The following PTPRD variants were observed in gnomAD, a reference collection of about 807,000 sequenced individuals.
The protein encoded by PTPRD is receptor-type tyrosine-protein phosphatase delta.
In PTPRD, 34 loss-of-function variants were observed where a neutral mutation model predicts 214.5. The ratio of observed to expected loss-of-function variants is 0.16; its 90% confidence interval spans 0.12 to 0.21. The LOEUF is 0.21. Among genes scored for constraint, PTPRD ranks in the 10% least tolerant of loss-of-function variants. The pLI, the probability that PTPRD is intolerant of heterozygous loss-of-function variation, is 1.00. For missense variants in PTPRD, 2,545 were observed against 2,398.7 expected (o/e 1.06, Z -1.27); for synonymous variants, 1,128 against 845.7 (o/e 1.33, Z -5.79).
chr9:8,628,080 T>C (rs148762909), intron 14 of PTPRD, among the ~76,000 whole-genome samples: 1 of 152,004 alleles, frequency 6.6e-6, no homozygotes, highest in African/African-American at 2.4e-5. Flanking sequence ...CAGTCTTTCA[T>C]AAAAATCCTT....
intron 11 of PTPRD, among the ~76,000 whole-genome samples, chr9:8,980,182 A>T (rs1229868424): frequency 6.6e-6 from 1 of 152,074 alleles, no homozygotes; most frequent in East Asian, 1.9e-4. Context: ...TAAAAAAAGA[A>T]GTCAAATACA....
rs139923700 is a variant in PTPRD at position 10,176,291 on chromosome 9, T to C, written c.-544-142501A>G. On this transcript the variant is annotated intron_variant, in intron 3 of 45. Transcript: ENST00000381196. ...GGTTTTTAATGTGTTTTTTTTTCCCTATTCCAAATTTGGTAGACGTCTAAA... is the reference window on the plus strand; with the variant it reads ...GGTTTTTAATGTGTTTTTTTTTCCCCATTCCAAATTTGGTAGACGTCTAAA... Among the ~76,000 whole-genome samples the C allele has an allele frequency of 2.8e-3, 421 of 151,964 alleles. 3 individuals are homozygous for C. Among genetic ancestry groups the C allele is most frequent in the African/African-American group, 9.5e-3 (396 of 41,512 alleles).
chr9:8,999,204 A>G (rs1398110533), intron 11 of PTPRD, among the ~76,000 whole-genome samples: 1 of 152,074 alleles, frequency 6.6e-6, no homozygotes, highest in Admixed American at 6.6e-5. Flanking sequence ...GTATAATGCT[A>G]TCAAACACCA....
At chr9:8,818,856 C>A (rs2096979005) in intron 11 of PTPRD, among the ~76,000 whole-genome samples, 1 of 152,148 alleles carries the variant, frequency 6.6e-6, no homozygotes, top group Non-Finnish European at 1.5e-5. Flanking sequence ...CCATTCTGAA[C>A]ACATAGCTGT....
intron 5 of PTPRD, among the ~76,000 whole-genome samples, chr9:9,792,778 G>A (rs922447954): frequency 1.3e-5 from 2 of 152,068 alleles, no homozygotes; most frequent in Non-Finnish European, 1.5e-5. Flanking sequence ...TTTATTAAGA[G>A]CAATCCAAAA....
At chr9:8,556,537 G>A (rs1593634950) in intron 14 of PTPRD, among the ~76,000 whole-genome samples, 1 of 144,078 alleles carries the variant, frequency 6.9e-6, no homozygotes. Context: ...ACATCTGCAT[G>A]TACACATACT....
chr9:8,354,485 T>C (rs1296216969), intron 39 of PTPRD, among the ~76,000 whole-genome samples: 2 of 152,216 alleles, frequency 1.3e-5, no homozygotes, highest in African/African-American at 4.8e-5. Flanking sequence ...TGAATTTTCT[T>C]CTAATCTGCT....
intron 5 of PTPRD, among the ~76,000 whole-genome samples, chr9:9,874,071 A>T (rs1019035630): frequency 1.3e-5 from 2 of 152,164 alleles, no homozygotes; most frequent in South Asian, 2.1e-4. Flanking sequence ...TAGGACAAAA[A>T]CATTTTAAAG....
intron 11 of PTPRD, among the ~76,000 whole-genome samples, chr9:8,980,819 T>C (rs2099308883): frequency 1.3e-5 from 2 of 152,078 alleles, no homozygotes; most frequent in South Asian, 4.1e-4. Flanking sequence ...ACTTACGGTG[T>C]ACATTTATGA....
chr9:10,312,035 C>T (rs891634222), intron 3 of PTPRD, among the ~76,000 whole-genome samples: 1 of 151,870 alleles, frequency 6.6e-6, no homozygotes, highest in Non-Finnish European at 1.5e-5. Flanking sequence ...GGTCTCATCT[C>T]ACCTCATTGT....
intron 32 of PTPRD, 50 bp from the exon 33 acceptor site, chr9:8,460,621 T>G (rs2096371043): frequency 6.4e-7 from 1 of 1,568,078 alleles, no homozygotes; most frequent in Non-Finnish European, 8.6e-7. Context: ...ACTTTCTAGA[T>G]AAGTACCTTT....
chr9:10,307,601 T>C (rs1301919736), intron 3 of PTPRD, among the ~76,000 whole-genome samples: 2 of 152,110 alleles, frequency 1.3e-5, no homozygotes, highest in African/African-American at 4.8e-5. Flanking sequence ...GTAGTTCTAT[T>C]TTTAGTTATT....
At chr9:9,524,144 G>A (rs2073424659) in intron 8 of PTPRD, among the ~76,000 whole-genome samples, 2 of 152,182 alleles carry the variant, frequency 1.3e-5, no homozygotes, top group African/African-American at 4.8e-5. Flanking sequence ...CCAGCAAAGG[G>A]AAAGTACCCC....
intron 2 of PTPRD, among the ~76,000 whole-genome samples, chr9:10,492,182 T>C (rs768695406): frequency 9.2e-5 from 14 of 152,304 alleles, no homozygotes; most frequent in Admixed American, 4.6e-4. Context: ...TATGTGTGTA[T>C]GTGTCTTTAT....
chr9:8,809,530 C>T (rs1050717774), intron 11 of PTPRD, among the ~76,000 whole-genome samples: 1 of 152,164 alleles, frequency 6.6e-6, no homozygotes, highest in East Asian at 1.9e-4. Context: ...GTAAAACTCT[C>T]AGCTCAACCA....
intron 11 of PTPRD, among the ~76,000 whole-genome samples, chr9:8,740,086 G>T (rs886898559): frequency 3.3e-5 from 5 of 151,994 alleles, no homozygotes; most frequent in Non-Finnish European, 5.9e-5. Flanking sequence ...CCAAATAAAA[G>T]ATTTCATTTT....
chr9:8,972,407 C>T (rs1433746168), intron 11 of PTPRD, among the ~76,000 whole-genome samples: 1 of 151,686 alleles, frequency 6.6e-6, no homozygotes, highest in Non-Finnish European at 1.5e-5. Context: ...TTAACATTTC[C>T]CCAAAAGTGA....
chr9:10,462,910 A>T (rs1449543436), intron 2 of PTPRD, among the ~76,000 whole-genome samples: 5 of 150,604 alleles, frequency 3.3e-5, no homozygotes, highest in Non-Finnish European at 7.4e-5. Context: ...ATAGCATTTT[A>T]AAAATTATTT....
intron 2 of PTPRD, among the ~76,000 whole-genome samples, chr9:10,457,731 A>G (rs997627307): frequency 2.0e-5 from 3 of 152,042 alleles, no homozygotes; most frequent in African/African-American, 7.2e-5. Flanking sequence ...ATTTCTGTTT[A>G]TTACTACCAA....
Sources: allele counts gnomAD v4.1 joint callset (sites outside exome capture counted in the v4.1 genomes callset), GRCh38; gene constraint gnomAD v4.1.1; transcripts MANE v1.5; gene names NCBI Gene and HGNC (gene_info 2026-07-23, HGNC 2026-07-21).